ANKRD13A: variants seen among roughly 807,000 people sequenced by gnomAD.
ANKRD13A encodes ankyrin repeat domain-containing protein 13A.
In ANKRD13A, 48 loss-of-function variants were observed where a neutral mutation model predicts 81.3. The observed-to-expected ratio is 0.59, with a 90% CI of 0.47 to 0.75. The LOEUF is 0.75. ANKRD13A is among the 30% of genes least tolerant of loss of function. The pLI is 0.00. For missense variants in ANKRD13A, 612 were observed against 734.0 expected, an observed-to-expected ratio of 0.83 and a Z score of 1.92; for synonymous variants, 230 against 270.1, an observed-to-expected ratio of 0.85 and a Z score of 1.45.
intron 9 of ANKRD13A, 102 bp from the exon 10 acceptor site, chr12:110,028,410 C>A: frequency 7.1e-7 from 1 of 1,415,490 alleles, no homozygotes; most frequent in South Asian, 1.3e-5. Context: ...ACTTCCCGGT[C>A]TTTAGCTGGT....
chr12:109,999,815 G>T lies in ANKRD13A; in HGVS notation c.96+31G>T. The stretch of plus-strand genomic sequence containing the variant: ...GGGCGGGGCGGGGGTCCGTCTCCCG[G>T]TGGGGACTTCGGGGAATCGGGGGTC... On this transcript the variant is annotated intron_variant, in intron 1 of 14. Transcript: ENST00000261739. This position sits in a 1 kb window ranked among gnomAD's most constrained non-coding sequence, Gnocchi z 4.3. 1 of 1,504,712 alleles carries T rather than the reference G, an allele frequency of 6.6e-7. No homozygotes were observed. The highest frequency in any genetic ancestry group is 1.2e-5 in the South Asian group (1 of 80,496). The allele number at this position is 1,504,712 out of a possible 1,614,324, so 93.2% of individuals were successfully genotyped here.
intron 1 of ANKRD13A, among the ~76,000 whole-genome samples, chr12:110,000,558 C>G (rs1179258082): frequency 2.0e-5 from 3 of 152,060 alleles, no homozygotes; most frequent in Non-Finnish European, 4.4e-5. Flanking sequence ...CCCACGACCC[C>G]CCGGGGACAT....
At chr12:110,000,023 T>A (rs956632487) in intron 1 of ANKRD13A, among the ~76,000 whole-genome samples, 10 of 152,318 alleles carry the variant, frequency 6.6e-5, no homozygotes, top group Non-Finnish European at 1.3e-4. Context: ...TACTGTTACT[T>A]TTCCACTGGA....
At position 110,019,119 on chromosome 12, in the gene ANKRD13A, G is replaced by A. The variant is rs1292299699; in HGVS notation, c.545-20G>A. 3 of 1,556,642 alleles carry A rather than the reference G, an allele frequency of 1.9e-6. No homozygotes were observed. Among genetic ancestry groups the A allele is most frequent in the Non-Finnish European group, 2.6e-6 (3 of 1,149,420 alleles). On this transcript the variant is annotated intron_variant, in intron 5 of 14. Coordinates refer to ENST00000261739, the MANE Select transcript of ANKRD13A (RefSeq NM_033121.2). ...TCTTCCCTACTTTGCACTTAGTTAT[G>A]CCTTTGTTTCCATTAATAGACAACT...
chr12:110,011,988 C>T lies in ANKRD13A; in HGVS notation c.97-17C>T. On this transcript the variant is annotated splice_polypyrimidine_tract_variant and intron_variant, in intron 1 of 14. Coordinates refer to ENST00000261739, the MANE Select transcript of ANKRD13A (RefSeq NM_033121.2). ...GTAATACATCCAATTATGTAAATGC[C>T]AGTGTTTCCTTCACAGAATGTGGAG... 1.9e-6 allele frequency: 3 copies of T among 1,579,718 alleles called. No homozygotes were observed. Among genetic ancestry groups the T allele is most frequent in the Non-Finnish European group, 8.7e-7 (1 of 1,153,232 alleles).
At chr12:110,031,377 A>C (rs1418587043) in intron 12 of ANKRD13A, among the ~76,000 whole-genome samples, 1 of 149,736 alleles carries the variant, frequency 6.7e-6, no homozygotes, top group African/African-American at 2.5e-5. Context: ...TTTTTCTCAG[A>C]GTCTCACTCT....
intron 11 of ANKRD13A, among the ~76,000 whole-genome samples, chr12:110,030,158 A>G (rs1006495116): frequency 6.6e-6 from 1 of 151,598 alleles, no homozygotes; most frequent in Non-Finnish European, 1.5e-5. Context: ...GAGAAAATAC[A>G]TAACTCATTT....
At chr12:110,020,058 G>T (rs143417220) in intron 6 of ANKRD13A, among the ~76,000 whole-genome samples, 39 of 152,266 alleles carry the variant, frequency 2.6e-4, no homozygotes, top group African/African-American at 8.4e-4. Context: ...TATTTGCCTA[G>T]GATGTCACAT....
At position 110,019,293 on chromosome 12, in the gene ANKRD13A, C is replaced by G. The variant is rs763280451; in HGVS notation, c.699C>G (p.Asn233Lys). Reference sequence around the variant, plus strand: ...GGCGGCTCACAAGCCCTGTCATTAACACCAGCCTCGATACTAAAAATATTG... The same window carrying G: ...GGCGGCTCACAAGCCCTGTCATTAAGACCAGCCTCGATACTAAAAATATTG... Reference protein sequence around the residue: ...VERRLTSPVINTSLDTKNIAF... With the variant: ...VERRLTSPVIKTSLDTKNIAF... Residue 233 changes from asparagine to lysine, a missense_variant, in exon 6 of 15, where the codon AAC (asparagine) becomes AAG (lysine). Transcript: ENST00000261739. 1 of 1,612,346 alleles carries G rather than the reference C, an allele frequency of 6.2e-7. No homozygotes were observed. Among genetic ancestry groups the G allele is most frequent in the Admixed American group, 1.7e-5 (1 of 59,664 alleles).
rs1204839927 is a variant in ANKRD13A at position 110,038,894 on chromosome 12, AAAC to A, written c.*1345_*1347del. 6.6e-6 allele frequency: 1 copy of A among 152,198 alleles called. No individual in the cohort carries two copies. The highest frequency in any genetic ancestry group is 1.5e-5 in the Non-Finnish European group (1 of 68,038). 9.4% of individuals were successfully genotyped at this position (152,198 alleles called of 1,614,324 possible). A position where few individuals can be genotyped will look rare whatever the true frequency, so the allele number is the denominator to read the frequency against. ...ACAGGCTGCACTGAAATAACCTGGT[AAAC>A]AACACCCTCCTCCATTTTGCGTCTA... On this transcript the variant is annotated 3_prime_UTR_variant, in exon 15 of 15. Coordinates refer to ENST00000261739, the MANE Select transcript of ANKRD13A (RefSeq NM_033121.2).
chr12:110,034,470 G>A (rs1891904706), intron 13 of ANKRD13A, among the ~76,000 whole-genome samples: 1 of 152,020 alleles, frequency 6.6e-6, no homozygotes, highest in Non-Finnish European at 1.5e-5. Context: ...ACTCTATGTT[G>A]CCCAAGTCGG....
Position 110,037,502 on chromosome 12 carries a change from AG to A in ANKRD13A, c.1723del (p.Glu575LysfsTer22). 1 of 1,614,128 alleles carries A rather than the reference AG, an allele frequency of 6.2e-7. No individual in the cohort carries two copies. ...ELEEWELRLQ[E>X]EEAELQQVLQ... ...GAGGAATGGGAGCTCCGGCTCCAGG[AG>A]GAAGAGGCTGAGCTCCAGCAAGTCT... On this transcript the variant is annotated frameshift_variant, in exon 15 of 15. Coordinates refer to ENST00000261739, the MANE Select transcript of ANKRD13A (RefSeq NM_033121.2). LOFTEE classifies it high-confidence loss of function.
At chr12:110,020,635 G>A (rs1336981166) in intron 6 of ANKRD13A, among the ~76,000 whole-genome samples, 1 of 152,192 alleles carries the variant, frequency 6.6e-6, no homozygotes, top group Non-Finnish European at 1.5e-5. Context: ...GGAGGGCCTT[G>A]GAAAGACATT....
chr12:110,013,685 C>A (rs1310211737), intron 3 of ANKRD13A, among the ~76,000 whole-genome samples: 1 of 152,054 alleles, frequency 6.6e-6, no homozygotes, highest in Admixed American at 6.6e-5. Context: ...GTAGGATGAT[C>A]GCTTGAACCC....
chr12:110,026,028 C>T (rs1291558726), intron 8 of ANKRD13A, among the ~76,000 whole-genome samples: 1 of 151,602 alleles, frequency 6.6e-6, no homozygotes, highest in African/African-American at 2.4e-5. Context: ...GTGGCACGAC[C>T]TTGGCTCACT....
At position 110,019,167 on chromosome 12, in the gene ANKRD13A, C is replaced by T. The variant is rs1890944850; in HGVS notation, c.573C>T (p.Asn191=). Residue 191 remains asparagine, a synonymous_variant, in exon 6 of 15, where the codon AAC becomes AAT. Transcript: ENST00000261739. The part of the protein sequence containing the change: ...EDNWAELMEV[N]HDDKVVTTER... ...ACTGGGCGGAGTTAATGGAAGTCAA[C>T]CATGATGACAAAGTGGTCACCACCG... is the stretch of plus-strand genomic sequence containing the variant. 6.2e-7 allele frequency: 1 copy of T among 1,606,716 alleles called. No individual in the cohort carries two copies. Among genetic ancestry groups the T allele is most frequent in the Non-Finnish European group, 8.5e-7 (1 of 1,175,478 alleles).
chr12:110,018,043 C>A lies in ANKRD13A; in HGVS notation c.401-302C>A, dbSNP rs111319019. On this transcript the variant is annotated intron_variant, in intron 4 of 14. Transcript: ENST00000261739. This position sits in a 1 kb window ranked among gnomAD's most constrained non-coding sequence, Gnocchi z 4.4. ...GAGTTGCATATGTGAGTGAGGAAGG[C>A]CAGATGTACAGACCTTATATAGTGG... Among the ~76,000 whole-genome samples the A allele has an allele frequency of 1.3e-5, 2 of 152,182 alleles. No homozygotes were observed. The highest frequency in any genetic ancestry group is 6.5e-5 in the Admixed American group (1 of 15,282).
At position 110,013,109 on chromosome 12, in the gene ANKRD13A, C is replaced by G. The variant is rs1403424159; in HGVS notation, c.230-16C>G. 6.2e-7 allele frequency: 1 copy of G among 1,612,296 alleles called. No homozygotes were observed. Among genetic ancestry groups the G allele is most frequent in the African/African-American group, 1.3e-5 (1 of 74,930 alleles). On this transcript the variant is annotated splice_polypyrimidine_tract_variant and intron_variant, in intron 2 of 14. Transcript: ENST00000261739. ...CAGAAAGTATGAGAATTAAATTTCA[C>G]CCTTTTGTTTTCTAGTTTTACATGA...
chr12:110,013,951 A>G (rs1295642701), intron 3 of ANKRD13A, among the ~76,000 whole-genome samples: 1 of 152,180 alleles, frequency 6.6e-6, no homozygotes, highest in Non-Finnish European at 1.5e-5. Context: ...ATCACTTACT[A>G]TGCAGGGATT....
Sources: allele counts gnomAD v4.1 joint callset (sites outside exome capture counted in the v4.1 genomes callset), GRCh38; gene constraint gnomAD v4.1.1; non-coding constraint Gnocchi (gnomAD v3.1); transcripts MANE v1.5; gene names NCBI Gene and HGNC (gene_info 2026-07-23, HGNC 2026-07-21).